The following ABHD17B variants were observed in gnomAD, a reference collection of about 807,000 sequenced individuals.
ABHD17B encodes abhydrolase domain containing 17B, depalmitoylase.
ABHD17B carries 9 observed loss-of-function variants against 26.2 expected under a neutral mutation model. That is an observed-to-expected ratio of 0.34 (90% CI 0.21 to 0.60). The LOEUF (loss-of-function observed/expected upper bound fraction) is 0.60. ABHD17B is among the 20% of genes least tolerant of loss of function. The pLI, the probability that ABHD17B is intolerant of heterozygous loss-of-function variation, is 0.80. For synonymous variants in ABHD17B, 127 were observed against 122.3 expected, an observed-to-expected ratio of 1.04 and a Z score of -0.25; for missense variants, 224 against 352.1, an observed-to-expected ratio of 0.64 and a Z score of 2.91.
intron 1 of ABHD17B, among the ~76,000 whole-genome samples, chr9:71,880,536 A>T (rs1826409066): frequency 6.6e-6 from 1 of 152,120 alleles, no homozygotes; most frequent in Non-Finnish European, 1.5e-5. Context: ...TTGGTAGATG[A>T]TATAATTACC....
chr9:71,894,082 T>C (rs1374194683), intron 1 of ABHD17B, among the ~76,000 whole-genome samples: 3 of 75,160 alleles, frequency 4.0e-5, no homozygotes. Context: ...AGCGAGACTC[T>C]ATCTCAAAAA....
chr9:71,866,196 A>G lies in ABHD17B; in HGVS notation c.*591T>C. ...ATAGATGGCATAAAAATTAAGATTT[A>G]CATCTTTTTTAAAGGATAAATGTAT... On this transcript the variant is annotated 3_prime_UTR_variant, in exon 4 of 4. Coordinates refer to ENST00000333421, the MANE Select transcript of ABHD17B (RefSeq NM_001025780.3). The G allele has an allele frequency of 1.0e-6, 1 of 981,922 alleles. No individual in the cohort carries two copies. Among genetic ancestry groups the G allele is most frequent in the Non-Finnish European group, 1.2e-6 (1 of 826,348 alleles). The allele number at this position is 981,922 out of a possible 1,614,324, so 60.8% of individuals were successfully genotyped here. A position where few individuals can be genotyped will look rare whatever the true frequency, so the allele number is the denominator to read the frequency against.
chr9:71,892,623 A>C (rs1826820822), intron 1 of ABHD17B, among the ~76,000 whole-genome samples: 1 of 151,024 alleles, frequency 6.6e-6, no homozygotes, highest in African/African-American at 2.4e-5. Flanking sequence ...AAAATTTATA[A>C]ACATAAATTT....
intron 1 of ABHD17B, among the ~76,000 whole-genome samples, chr9:71,883,042 C>T (rs11143026): frequency 6.6e-6 from 1 of 151,768 alleles, no homozygotes; most frequent in Non-Finnish European, 1.5e-5. Flanking sequence ...TACTCAGAGG[C>T]TGAGGCAGGA....
chr9:71,886,517 T>TG (rs1169330491), intron 1 of ABHD17B, among the ~76,000 whole-genome samples: 6 of 152,100 alleles, frequency 3.9e-5, no homozygotes, highest in Non-Finnish European at 5.9e-5. Context: ...CTATCTTATC[T>TG]GGGCATGCCT....
Position 71,875,034 on chromosome 9 carries a change from G to A in ABHD17B, c.47C>T (p.Pro16Leu). The A allele has an allele frequency of 1.2e-6, 2 of 1,613,612 alleles. No individual in the cohort carries two copies. Among genetic ancestry groups the A allele is most frequent in the Non-Finnish European group, 1.7e-6 (2 of 1,179,830 alleles). ...FSELCCLFCC[P>L]PCPGKIASKL... ...TGAAGCAATCTTCCCTGGACAAGGTGGACAGCAGAAGAGGCAACATAGCTC... is the reference window on the plus strand; with the variant it reads ...TGAAGCAATCTTCCCTGGACAAGGTAGACAGCAGAAGAGGCAACATAGCTC... The change falls in exon 2 of 4, where the codon CCA becomes CTA. Residue 16 changes from proline to leucine, a missense_variant. Pro to Leu is a moderately conservative substitution (Grantham distance 98). Transcript: ENST00000333421.
chr9:71,885,467 A>AG (rs953351130), intron 1 of ABHD17B, among the ~76,000 whole-genome samples: 31 of 151,172 alleles, frequency 2.1e-4, no homozygotes, highest in Middle Eastern at 3.4e-3. Flanking sequence ...CTCCAAAAAA[A>AG]AAAAAAAAAG....
chr9:71,889,113 G>A (rs574915641), intron 1 of ABHD17B, among the ~76,000 whole-genome samples: 3 of 150,878 alleles, frequency 2.0e-5, no homozygotes, highest in South Asian at 2.1e-4. Context: ...TTAGGAGTTC[G>A]AGACCAGCCC....
rs1195645644 is a variant in ABHD17B at position 71,910,777 on chromosome 9, G to C, written c.-147C>G. The C allele has an allele frequency of 6.6e-6, 1 of 152,150 alleles. No individual in the cohort carries two copies. Among genetic ancestry groups the C allele is most frequent in the African/African-American group, 2.4e-5 (1 of 41,536 alleles). 9.4% of individuals were successfully genotyped at this position (152,150 alleles called of 1,614,324 possible). On this transcript the variant is annotated 5_prime_UTR_variant, in exon 1 of 4. Coordinates refer to ENST00000333421, the MANE Select transcript of ABHD17B (RefSeq NM_001025780.3). ...GCCTGCAGACTGGCCCGACAGAGGA[G>C]CGGGGACCAGGGCTACAGCCCCCGG...
chr9:71,893,100 A>G (rs557973630), intron 1 of ABHD17B, among the ~76,000 whole-genome samples: 1 of 152,344 alleles, frequency 6.6e-6, no homozygotes, highest in African/African-American at 2.4e-5. Flanking sequence ...TCAAGGCTGA[A>G]AAATATTCCA....
rs1826072203 is a variant in ABHD17B, at chr9:71,870,238, C to G, written c.492G>C (p.Val164=). 6.3e-7 allele frequency: 1 copy of G among 1,596,776 alleles called. No homozygotes were observed. Among genetic ancestry groups the G allele is most frequent in the South Asian group, 1.1e-5 (1 of 87,068 alleles). ...RTRYGIRPEN[V]IIYGQSIGTV... ...TCCCTATACTTTGGCCATATATAAT[C>G]ACATTTTCAGGGCGAATGCCATATC... The change falls in exon 3 of 4, where the codon GTG becomes GTC. Residue 164 remains valine, a synonymous_variant. Transcript: ENST00000333421.
intron 1 of ABHD17B, among the ~76,000 whole-genome samples, chr9:71,901,189 T>C (rs1026328664): frequency 6.6e-6 from 1 of 152,024 alleles, no homozygotes; most frequent in East Asian, 1.9e-4. Context: ...TTTTTTTGCA[T>C]GTATCTGTAT....
intron 1 of ABHD17B, among the ~76,000 whole-genome samples, chr9:71,877,464 C>G (rs750711013): frequency 6.6e-6 from 1 of 152,250 alleles, no homozygotes; most frequent in Non-Finnish European, 1.5e-5. Flanking sequence ...ATCGCCCAGG[C>G]TGGAGTGCAG....
At chr9:71,889,319 G>GAA (rs11371474) in intron 1 of ABHD17B, among the ~76,000 whole-genome samples, 272 of 145,810 alleles carry the variant, frequency 1.9e-3, no homozygotes, top group Admixed American at 2.1e-3. Flanking sequence ...TCCGTCTAAA[G>GAA]AAAAAAAAAA....
intron 1 of ABHD17B, among the ~76,000 whole-genome samples, chr9:71,876,353 T>C (rs947494249): frequency 1.3e-5 from 2 of 152,200 alleles, no homozygotes; most frequent in African/African-American, 4.8e-5. Flanking sequence ...AAGGACCTGG[T>C]TGTGAATATC....
intron 2 of ABHD17B, among the ~76,000 whole-genome samples, chr9:71,873,683 A>G (rs889402782): frequency 2.0e-5 from 3 of 151,870 alleles, no homozygotes; most frequent in Non-Finnish European, 4.4e-5. Flanking sequence ...GGCATGAGCC[A>G]CTGCGCCCAG....
chr9:71,910,509 A>G (rs1398454713), intron 1 of ABHD17B, 125 bp downstream of exon 1: 1 of 152,078 alleles, frequency 6.6e-6, no homozygotes, highest in Non-Finnish European at 1.5e-5. Context: ...CGCCAACAAC[A>G]AAGACGCTTC....
rs185502886 is a variant in ABHD17B, at chr9:71,899,163, C to T, written c.-4+11471G>A. Among the ~76,000 whole-genome samples, 61 of 151,616 alleles carry T rather than the reference C, an allele frequency of 4.0e-4. 1 individual carries two copies. In the East Asian group the frequency reaches 8.5e-3, roughly 21 times the overall value. ...GAGAGCTGAGTAGCAACAATACAAG[C>T]AAATACTGTTTTTGTTTTTTCTTTC... is the stretch of plus-strand genomic sequence containing the variant. On this transcript the variant is annotated intron_variant, in intron 1 of 3. Transcript: ENST00000333421.
At chr9:71,891,488 T>C (rs1291854003) in intron 1 of ABHD17B, among the ~76,000 whole-genome samples, 1 of 152,262 alleles carries the variant, frequency 6.6e-6, no homozygotes, top group African/African-American at 2.4e-5. Flanking sequence ...TTTTGTTCTC[T>C]TCATTTGTGT....
Sources: allele counts gnomAD v4.1 joint callset (sites outside exome capture counted in the v4.1 genomes callset), GRCh38; gene constraint gnomAD v4.1.1; transcripts MANE v1.5; gene names NCBI Gene and HGNC (gene_info 2026-07-23, HGNC 2026-07-21).